PDZRN4: variants seen among roughly 807,000 people sequenced by gnomAD.
The protein encoded by PDZRN4 is PDZ domain-containing RING finger protein 4.
Under a neutral mutation model 99.0 loss-of-function variants are expected in PDZRN4, and 70 were observed. The ratio of observed to expected loss-of-function variants is 0.71; its 90% CI spans 0.58 to 0.86. The LOEUF (loss-of-function observed/expected upper bound fraction) is 0.86, where lower values mean the gene tolerates loss of function less well. PDZRN4 is among the 40% of genes least tolerant of loss of function. The pLI is 0.00. For synonymous variants in PDZRN4, 551 were observed against 501.6 expected (o/e 1.10, Z -1.32); for missense variants, 1,474 against 1,331.2 (o/e 1.11, Z -1.67).
intron 3 of PDZRN4, among the ~76,000 whole-genome samples, chr12:41,375,928 C>T (rs186379956): frequency 6.6e-6 from 1 of 152,310 alleles, no homozygotes; most frequent in African/African-American, 2.4e-5. Context: ...CCCCTGGCAA[C>T]ATCCATTCTA....
At chr12:41,294,522 A>G (rs1951477630) in intron 3 of PDZRN4, among the ~76,000 whole-genome samples, 1 of 152,196 alleles carries the variant, frequency 6.6e-6, no homozygotes, top group Non-Finnish European at 1.5e-5. Context: ...GAGGGAAGGG[A>G]ATTCATTCAT....
intron 3 of PDZRN4, among the ~76,000 whole-genome samples, chr12:41,488,965 T>A (rs768915571): frequency 1.4e-4 from 22 of 152,136 alleles, no homozygotes; most frequent in Non-Finnish European, 2.9e-4. Flanking sequence ...CCGGGGCAAG[T>A]TTTTCTAACC....
rs1165169050 is a variant in PDZRN4, at chr12:41,188,834, G to A, written c.379G>A (p.Val127Met). ...CGCTTCGGGGCTGGGCGGTGGTGAG[G>A]TGCCCGCGCGGGGGGGCTGCGGTCC... ...GCASGLGGGE[V>M]PARGGCGPTP... Residue 127 changes from valine to methionine, a missense_variant, in exon 1 of 10, where the codon GTG (valine) becomes ATG (methionine). Coordinates refer to ENST00000402685, the MANE Select transcript of PDZRN4 (RefSeq NM_001164595.2). The A allele has an allele frequency of 4.7e-6, 6 of 1,279,990 alleles. No individual in the cohort carries two copies. The highest frequency in any genetic ancestry group is 9.8e-7 in the Non-Finnish European group (1 of 1,015,560). The allele number at this position is 1,279,990 out of a possible 1,614,324, so 79.3% of individuals were successfully genotyped here.
intron 3 of PDZRN4, among the ~76,000 whole-genome samples, chr12:41,326,641 G>T (rs951297837): frequency 6.6e-6 from 1 of 152,000 alleles, no homozygotes; most frequent in African/African-American, 2.4e-5. Flanking sequence ...AACAAACAAT[G>T]GTTATTAGCA....
intron 3 of PDZRN4, among the ~76,000 whole-genome samples, chr12:41,497,714 A>G (rs1425386059): frequency 6.6e-6 from 1 of 152,150 alleles, no homozygotes; most frequent in Non-Finnish European, 1.5e-5. Flanking sequence ...TATTCAGTAG[A>G]TGAATTATTA....
chr12:41,197,997 C>A (rs1199259235), intron 3 of PDZRN4, among the ~76,000 whole-genome samples: 2 of 142,134 alleles, frequency 1.4e-5, no homozygotes, highest in Non-Finnish European at 3.0e-5. Flanking sequence ...TCACTGCAGC[C>A]TCTACCTCTG....
intron 3 of PDZRN4, among the ~76,000 whole-genome samples, chr12:41,424,488 CTA>C (rs1437291124): frequency 1.3e-5 from 2 of 152,092 alleles, no homozygotes; most frequent in Admixed American, 1.3e-4. Flanking sequence ...GATAACGTTG[CTA>C]TATGTCTTTA....
intron 5 of PDZRN4, among the ~76,000 whole-genome samples, chr12:41,536,351 T>C (rs1938748382): frequency 6.6e-6 from 1 of 152,150 alleles, no homozygotes; most frequent in African/African-American, 2.4e-5. Flanking sequence ...CTACATACTG[T>C]ATGATTCCAA....
At chr12:41,374,465 C>G (rs928634764) in intron 3 of PDZRN4, among the ~76,000 whole-genome samples, 1 of 152,116 alleles carries the variant, frequency 6.6e-6, no homozygotes. Flanking sequence ...TCTTGTCCCA[C>G]TCTGTCTCAG....
chr12:41,530,448 T>C (rs1437607562), intron 5 of PDZRN4, among the ~76,000 whole-genome samples: 3 of 152,224 alleles, frequency 2.0e-5, no homozygotes, highest in African/African-American at 7.2e-5. Context: ...CAAGTTGTAA[T>C]GTGTAGCTGG....
At chr12:41,314,810 T>A (rs894751730) in intron 3 of PDZRN4, among the ~76,000 whole-genome samples, 5 of 152,164 alleles carry the variant, frequency 3.3e-5, no homozygotes, top group African/African-American at 4.8e-5. Context: ...CTGTTCACTA[T>A]GATTTTTTTT....
At chr12:41,466,891 A>G (rs569903863) in intron 3 of PDZRN4, among the ~76,000 whole-genome samples, 1 of 152,306 alleles carries the variant, frequency 6.6e-6, no homozygotes, top group East Asian at 1.9e-4. Flanking sequence ...ACAAAAGAGT[A>G]GGAAGACAAG....
Position 41,572,649 on chromosome 12 carries a change from T to A in PDZRN4, c.1870T>A (p.Cys624Ser). ...SDCIGNPDED[C>S]ERFRQLLELK... is the part of the protein sequence containing the mutation. ...CTGCATTGGCAACCCAGATGAGGACTGTGAAAGATTCAGGCAGCTCTTGGA... is the reference window on the plus strand; with the variant it reads ...CTGCATTGGCAACCCAGATGAGGACAGTGAAAGATTCAGGCAGCTCTTGGA... Residue 624 changes from cysteine to serine, a missense_variant, in exon 10 of 10, where the codon TGT (cysteine) becomes AGT (serine). Transcript: ENST00000402685. 1 of 1,614,182 alleles carries A rather than the reference T, an allele frequency of 6.2e-7. No homozygotes were observed. Among genetic ancestry groups the A allele is most frequent in the Non-Finnish European group, 8.5e-7 (1 of 1,180,022 alleles).
At chr12:41,548,748 C>G (rs987504056) in intron 5 of PDZRN4, among the ~76,000 whole-genome samples, 1 of 152,068 alleles carries the variant, frequency 6.6e-6, no homozygotes, top group Non-Finnish European at 1.5e-5. Context: ...ATCTAGAAAG[C>G]ATTTTTTTTC....
chr12:41,555,015 G>A (rs112077815), intron 6 of PDZRN4, among the ~76,000 whole-genome samples: 15 of 144,510 alleles, frequency 1.0e-4, no homozygotes, highest in Non-Finnish European at 1.3e-4. Context: ...AAGACCATCC[G>A]GGCTAACACG....
intron 3 of PDZRN4, among the ~76,000 whole-genome samples, chr12:41,394,291 A>G (rs1952230566): frequency 6.6e-6 from 1 of 152,164 alleles, no homozygotes; most frequent in Non-Finnish European, 1.5e-5. Flanking sequence ...ATTTCAGTAT[A>G]TGAATCTTGG....
intron 3 of PDZRN4, among the ~76,000 whole-genome samples, chr12:41,196,933 A>C (rs118042180): frequency 6.6e-6 from 1 of 152,124 alleles, no homozygotes; most frequent in African/African-American, 2.4e-5. Context: ...TGGTGCAACA[A>C]GTAAGTTTGT....
intron 3 of PDZRN4, among the ~76,000 whole-genome samples, chr12:41,284,335 A>G (rs909983775): frequency 5.3e-5 from 8 of 152,170 alleles, no homozygotes; most frequent in Non-Finnish European, 1.5e-5. Flanking sequence ...AGAACTACAA[A>G]CCACTGCTTA....
intron 5 of PDZRN4, among the ~76,000 whole-genome samples, chr12:41,527,632 G>A (rs1938591332): frequency 6.6e-6 from 1 of 152,204 alleles, no homozygotes; most frequent in Non-Finnish European, 1.5e-5. Context: ...TGCGTGACAA[G>A]TGGTTATGAG....
Sources: gnomAD v4.1 joint callset for allele counts (sites outside exome capture counted in the v4.1 genomes callset) on GRCh38, gnomAD v4.1.1 for gene constraint, MANE v1.5 for transcripts, NCBI Gene and HGNC (gene_info 2026-07-23, HGNC 2026-07-21) for gene names.